LYPLA1: variants seen among roughly 807,000 people sequenced by gnomAD.
LYPLA1 encodes lysophospholipase 1, also known as acyl-protein thioesterase 1.
Under a neutral mutation model 34.0 loss-of-function variants are expected in LYPLA1, and 17 were observed. That is an observed-to-expected ratio of 0.50 (90% confidence interval 0.34 to 0.75). The LOEUF (loss-of-function observed/expected upper bound fraction) is 0.75, where lower values mean the gene tolerates loss of function less well. Ranked by LOEUF, LYPLA1 falls within the 30% of genes least tolerant of loss-of-function variation. The pLI is 0.01. For synonymous variants in LYPLA1, 98 were observed against 100.8 expected (o/e 0.97, Z 0.17); for missense variants, 203 against 288.8 (o/e 0.70, Z 2.15).
intron 2 of LYPLA1, among the ~76,000 whole-genome samples, chr8:54,085,983 C>T (rs1290032944): frequency 9.2e-5 from 14 of 152,020 alleles, no homozygotes; most frequent in African/African-American, 2.4e-4. Flanking sequence ...GCGGTTTTGT[C>T]GAATAGAAAA....
At chr8:54,089,726 C>T (rs1263646502) in intron 2 of LYPLA1, among the ~76,000 whole-genome samples, 6 of 151,682 alleles carry the variant, frequency 4.0e-5, no homozygotes, top group Admixed American at 2.0e-4. Flanking sequence ...CAGGCTCAGG[C>T]GATCCTCCCA....
intron 6 of LYPLA1, 151 bp downstream of exon 6, chr8:54,054,909 A>C: frequency 1.6e-6 from 1 of 608,164 alleles, no homozygotes; most frequent in Non-Finnish European, 2.9e-6. Flanking sequence ...AATTAGTTCC[A>C]GTACACTGAA....
chr8:54,101,085 A>C, intron 1 of LYPLA1, 146 bp from the exon 2 acceptor site: 4 of 569,784 alleles, frequency 7.0e-6, no homozygotes, highest in East Asian at 4.4e-5. Flanking sequence ...ATCTTTATCG[A>C]CCTCTTTTAA....
In LYPLA1 at chr8:54,055,075, C is replaced by T; in HGVS notation, c.345G>A (p.Leu115=). Residue 115 remains leucine (L), a synonymous_variant, in exon 6 of 9, where the codon TTG becomes TTA. Coordinates refer to ENST00000316963, the MANE Select transcript of LYPLA1 (RefSeq NM_006330.4). ...TTTATCTTACCTGAGAAAACCCTCC[C>T]AAAATAATTCTGTTAGAAGGAATGC... ...KNGIPSNRII[L]GGFSQGGALS... 1.2e-6 allele frequency: 2 copies of T among 1,605,988 alleles called. No individual in the cohort carries two copies. The highest frequency in any genetic ancestry group is 1.3e-5 in the African/African-American group (1 of 74,830).
At chr8:54,086,617 C>CT (rs1012117976) in intron 2 of LYPLA1, among the ~76,000 whole-genome samples, 5 of 143,274 alleles carry the variant, frequency 3.5e-5, no homozygotes, top group African/African-American at 1.0e-4. Context: ...TAATCCAACA[C>CT]TTTAAGAGCC....
Position 54,062,316 on chromosome 8 carries a change from A to G in LYPLA1, c.224T>C (p.Ile75Thr). The change falls in exon 5 of 9, where the codon ATT (isoleucine) becomes ACT (threonine). Residue 75 changes from isoleucine (I) to threonine (T), a missense_variant. Ile to Thr is a moderately conservative substitution (Grantham distance 89). This residue lies in a region of LYPLA1 where 123 missense variants were observed against 199.2 expected (regional missense o/e 0.62). Coordinates refer to ENST00000316963, the MANE Select transcript of LYPLA1 (RefSeq NM_006330.4). ...CTGTGAATCTGGTGAAAGCCCAATAATATCAAACCTGTAAAATAAGGCAAA... is the reference window on the plus strand; with the variant it reads ...CTGTGAATCTGGTGAAAGCCCAATAGTATCAAACCTGTAAAATAAGGCAAA... ...MNVAMPSWFD[I>T]IGLSPDSQED... 1 of 1,601,678 alleles carries G rather than the reference A, an allele frequency of 6.2e-7. No individual in the cohort carries two copies. Among genetic ancestry groups the G allele is most frequent in the Middle Eastern group, 2.1e-4 (1 of 4,678 alleles).
chr8:54,079,598 A>AT (rs1467879993), intron 2 of LYPLA1, among the ~76,000 whole-genome samples: 1 of 151,944 alleles, frequency 6.6e-6, no homozygotes, highest in Non-Finnish European at 1.5e-5. Context: ...AGTCCAGGAG[A>AT]TTGAGACCAG....
chr8:54,097,622 CCA>C (rs1443807117), intron 2 of LYPLA1, among the ~76,000 whole-genome samples: 5 of 152,218 alleles, frequency 3.3e-5, no homozygotes, highest in Admixed American at 6.5e-5. Flanking sequence ...TCCTTCTCAC[CCA>C]CAGTTTTGTT....
At chr8:54,098,558 G>A (rs1257992234) in intron 2 of LYPLA1, among the ~76,000 whole-genome samples, 2 of 152,186 alleles carry the variant, frequency 1.3e-5, no homozygotes, top group Admixed American at 6.5e-5. Context: ...GCACGCGCCT[G>A]TAATCTCAGC....
rs560326405 is a variant in LYPLA1 at position 54,058,363 on chromosome 8, G to C, written c.287-3230C>G. ...GTTTGAGACCAGCCTGGCCAACATG[G>C]TGAAACACCGTCTGTACTAAAAATA... On this transcript the variant is annotated intron_variant, in intron 5 of 8. Coordinates refer to ENST00000316963, the MANE Select transcript of LYPLA1 (RefSeq NM_006330.4). 5.3e-5 allele frequency among the ~76,000 whole-genome samples: 8 copies of C among 152,288 alleles called. 1 individual carries two copies. The South Asian group carries it at 1.7e-3, about 32-fold the overall frequency.
At chr8:54,084,134 ATAAAT>A (rs1206239556) in intron 2 of LYPLA1, among the ~76,000 whole-genome samples, 8 of 126,836 alleles carry the variant, frequency 6.3e-5, no homozygotes, top group African/African-American at 2.9e-4. Context: ...GAAAAAAAAA[ATAAAT>A]AAATATATAT....
intron 2 of LYPLA1, chr8:54,073,052 G>A (rs911581350): frequency 1.7e-5 from 9 of 522,418 alleles, no homozygotes; most frequent in Admixed American, 2.7e-5. Context: ...TCTCACAGCA[G>A]GCAGAATGGC....
intron 1 of LYPLA1, chr8:54,101,385 G>A (rs1810134185): frequency 9.5e-7 from 1 of 1,053,948 alleles, no homozygotes; most frequent in African/African-American, 1.7e-5. Context: ...TTCTTTCATT[G>A]AGGATAAGAG....
chr8:54,083,533 A>T (rs1207705981), intron 2 of LYPLA1, among the ~76,000 whole-genome samples: 2 of 152,206 alleles, frequency 1.3e-5, no homozygotes, highest in African/African-American at 4.8e-5. Flanking sequence ...TTTTCTGCAA[A>T]GGACCAAAAG....
At chr8:54,064,646 C>T (rs1204292765) in intron 3 of LYPLA1, among the ~76,000 whole-genome samples, 11 of 152,192 alleles carry the variant, frequency 7.2e-5, no homozygotes. Context: ...GCTACTACCA[C>T]TTCTGGGGAT....
intron 2 of LYPLA1, among the ~76,000 whole-genome samples, chr8:54,087,583 C>T (rs1057308469): frequency 2.6e-5 from 4 of 152,172 alleles, no homozygotes; most frequent in African/African-American, 7.2e-5. Flanking sequence ...CAAAGACACC[C>T]CACGCAATGG....
At chr8:54,068,741 C>T (rs948678575) in intron 2 of LYPLA1, among the ~76,000 whole-genome samples, 3 of 152,140 alleles carry the variant, frequency 2.0e-5, no homozygotes, top group African/African-American at 7.2e-5. Flanking sequence ...AGAAAACACA[C>T]ATACATCTTT....
rs1008030958 is a variant in LYPLA1, at chr8:54,061,333, G to A, written c.286+921C>T. Among the ~76,000 whole-genome samples, 15 of 152,000 alleles carry A rather than the reference G, an allele frequency of 9.9e-5. No individual in the cohort carries two copies. The South Asian group carries it at 1.4e-3, about 15-fold the overall frequency. ...TGACCTCACATGATCTGCCCACCTC[G>A]GCTTCCCAAAGTGCTGGGATTAAAG... is the stretch of plus-strand genomic sequence containing the variant. On this transcript the variant is annotated intron_variant, in intron 5 of 8. Coordinates refer to ENST00000316963, the MANE Select transcript of LYPLA1 (RefSeq NM_006330.4).
At chr8:54,077,940 C>A (rs1808029017) in intron 2 of LYPLA1, among the ~76,000 whole-genome samples, 1 of 151,984 alleles carries the variant, frequency 6.6e-6, no homozygotes. Context: ...AAAAATTTAT[C>A]CAGCTAAACA....
Sources: gnomAD v4.1 joint callset for allele counts (sites outside exome capture counted in the v4.1 genomes callset) on GRCh38, gnomAD v4.1.1 for gene constraint, gnomAD v4.1.1 regional missense constraint, MANE v1.5 for transcripts, NCBI Gene and HGNC (gene_info 2026-07-23, HGNC 2026-07-21) for gene names.